The following SHISA9 variants were observed in gnomAD, a reference collection of about 807,000 sequenced individuals.
The protein encoded by SHISA9 is protein shisa-9.
In SHISA9, 13 loss-of-function variants were observed where a neutral mutation model predicts 38.0. The ratio of observed to expected loss-of-function variants is 0.34; its 90% CI spans 0.22 to 0.54. The LOEUF (loss-of-function observed/expected upper bound fraction) is 0.54. Among genes scored for constraint, SHISA9 ranks in the 20% least tolerant of loss-of-function variants. The probability of loss-of-function intolerance (pLI) is 0.91; values close to 1 mark genes in which losing one functional copy is unlikely to be tolerated. For missense variants in SHISA9, 538 were observed against 575.8 expected, an observed-to-expected ratio of 0.93 and a Z score of 0.67; for synonymous variants, 275 against 242.0, an observed-to-expected ratio of 1.14 and a Z score of -1.27.
chr16:13,531,080 C>G, the SHISA9 span, among the ~76,000 whole-genome samples: 1 of 152,144 alleles, frequency 6.6e-6, no homozygotes, highest in Non-Finnish European at 1.5e-5. Flanking sequence ...CATTGATGCC[C>G]TGAATCAACC....
At chr16:13,198,116 C>T (rs2050966123) in intron 2 of SHISA9, among the ~76,000 whole-genome samples, 1 of 151,852 alleles carries the variant, frequency 6.6e-6, no homozygotes, top group African/African-American at 2.4e-5. Flanking sequence ...ACCTGGGAGG[C>T]GGAGGTCACA....
chr16:13,019,764 TTTTCTTTCTTTC>T (rs548980425), intron 2 of SHISA9, among the ~76,000 whole-genome samples: 6,678 of 77,852 alleles, frequency 0.086, 402 homozygotes, highest in African/African-American at 0.1. Flanking sequence ...CTTTTCTTTC[TTTTCTTTCTTTC>T]TTTCTTTCTT....
chr16:13,509,976 T>G, the SHISA9 span, among the ~76,000 whole-genome samples: 3 of 152,202 alleles, frequency 2.0e-5, no homozygotes, highest in Admixed American at 2.0e-4. Context: ...ACACAGTAAG[T>G]GCTGAGATTA....
the SHISA9 span, among the ~76,000 whole-genome samples, chr16:13,559,206 C>G: frequency 6.2e-3 from 950 of 152,170 alleles, 8 homozygotes; most frequent in Admixed American, 9.3e-3. Context: ...AAATTATTTG[C>G]ACACAGAGAT....
intron 2 of SHISA9, among the ~76,000 whole-genome samples, chr16:13,120,727 G>T (rs1567219147): frequency 6.6e-6 from 1 of 152,172 alleles, no homozygotes; most frequent in Non-Finnish European, 1.5e-5. Flanking sequence ...CTTAGAGGAA[G>T]AATGCGTAGA....
chr16:13,020,779 G>C (rs190838097), intron 2 of SHISA9, among the ~76,000 whole-genome samples: 7 of 152,314 alleles, frequency 4.6e-5, no homozygotes, highest in Admixed American at 4.6e-4. Flanking sequence ...CAGACCTCTG[G>C]TATTTTGGAA....
At chr16:13,226,341 C>G (rs547522319) in intron 4 of SHISA9, among the ~76,000 whole-genome samples, 1 of 152,314 alleles carries the variant, frequency 6.6e-6, no homozygotes, top group Non-Finnish European at 1.5e-5. Flanking sequence ...GCACCAGGCA[C>G]CAGTTCAGTG....
intron 4 of SHISA9, among the ~76,000 whole-genome samples, chr16:13,231,957 A>G (rs545753640): frequency 3.2e-4 from 48 of 152,346 alleles, no homozygotes; most frequent in African/African-American, 1.2e-3. Context: ...TTATTTGTCA[A>G]GCGGGAGAAA....
intron 2 of SHISA9, among the ~76,000 whole-genome samples, chr16:13,050,732 G>A (rs11860020): frequency 6.6e-6 from 1 of 152,106 alleles, no homozygotes; most frequent in Non-Finnish European, 1.5e-5. Context: ...CCATGGAAGA[G>A]TTACCTGTCT....
the SHISA9 span, among the ~76,000 whole-genome samples, chr16:13,534,660 T>C: frequency 6.6e-6 from 1 of 152,234 alleles, no homozygotes; most frequent in Non-Finnish European, 1.5e-5. Context: ...GTGAAAACAC[T>C]GTGTCCCTGA....
At chr16:13,160,747 C>G (rs2050588325) in intron 2 of SHISA9, among the ~76,000 whole-genome samples, 1 of 152,188 alleles carries the variant, frequency 6.6e-6, no homozygotes, top group African/African-American at 2.4e-5. Flanking sequence ...ATTTCACAAC[C>G]TCCTTGTCAA....
chr16:12,959,577 G>A (rs866384441), intron 2 of SHISA9, among the ~76,000 whole-genome samples: 6 of 149,630 alleles, frequency 4.0e-5, no homozygotes, highest in African/African-American at 1.2e-4. Context: ...CTTGAGACAC[G>A]GGCTTCCCTC....
intron 2 of SHISA9, among the ~76,000 whole-genome samples, chr16:13,053,908 T>G (rs1012923482): frequency 4.6e-5 from 7 of 152,308 alleles, no homozygotes; most frequent in African/African-American, 1.7e-4. Context: ...AGCAAAGCAA[T>G]GAGGCCAAGA....
the SHISA9 span, among the ~76,000 whole-genome samples, chr16:13,493,748 A>G: frequency 1.1e-4 from 16 of 152,236 alleles, no homozygotes; most frequent in African/African-American, 3.4e-4. Context: ...TGGTAGAAAC[A>G]GTGTTCCCTG....
At chr16:13,274,257 T>C in the SHISA9 span, among the ~76,000 whole-genome samples, 1 of 152,196 alleles carries the variant, frequency 6.6e-6, no homozygotes, top group African/African-American at 2.4e-5. Flanking sequence ...GTTTTTAATT[T>C]GGTGTTCTGG....
At chr16:13,335,161 G>C in the SHISA9 span, among the ~76,000 whole-genome samples, 1 of 152,338 alleles carries the variant, frequency 6.6e-6, no homozygotes. Flanking sequence ...ACCCAGAGGA[G>C]GCTGGCCAAT....
intron 2 of SHISA9, among the ~76,000 whole-genome samples, chr16:13,083,025 A>G (rs925236688): frequency 2.6e-5 from 4 of 152,118 alleles, no homozygotes; most frequent in African/African-American, 9.7e-5. Flanking sequence ...AGCCACTGCC[A>G]TGTGTGTTTG....
chr16:13,241,750 A>G (rs554885509), downstream of SHISA9, among the ~76,000 whole-genome samples: 11 of 152,206 alleles, frequency 7.2e-5, no homozygotes, highest in Middle Eastern at 3.4e-3. Flanking sequence ...TTACTCTGGG[A>G]TTTGGAGACC....
the SHISA9 span, among the ~76,000 whole-genome samples, chr16:13,340,035 A>G: frequency 6.6e-6 from 1 of 152,192 alleles, no homozygotes; most frequent in Non-Finnish European, 1.5e-5. Context: ...AGGATGATTA[A>G]AAGTATGGTA....
Sources: allele counts gnomAD v4.1 joint callset (sites outside exome capture counted in the v4.1 genomes callset), GRCh38; gene constraint gnomAD v4.1.1; transcripts MANE v1.5; gene names NCBI Gene and HGNC (gene_info 2026-07-23, HGNC 2026-07-21).